Variants in IQCK observed in about 807,000 individuals in gnomAD.
The protein encoded by IQCK is IQ motif containing K, also known as IQ domain-containing protein K.
Under a neutral mutation model 28.1 loss-of-function variants are expected in IQCK, and 29 were observed. The observed-to-expected ratio is 1.03, with a 90% CI of 0.77 to 1.41. IQCK has a LOEUF of 1.41. Ranked by LOEUF, IQCK falls within the 40% of genes most tolerant of loss-of-function variation. The pLI is 0.00. For synonymous variants in IQCK, 113 were observed against 115.1 expected (o/e 0.98, Z 0.12); for missense variants, 359 against 314.7 (o/e 1.14, Z -1.07).
At chr16:19,733,647 A>G (rs1567535185) in intron 2 of IQCK, 51 bp from the exon 3 acceptor site, 2 of 1,601,842 alleles carry the variant, frequency 1.2e-6, no homozygotes, top group South Asian at 1.1e-5. Context: ...AGAAAATGCA[A>G]TTATTTAAGC....
chr16:19,832,093 G>A (rs1360360732), downstream of IQCK, among the ~76,000 whole-genome samples: 1 of 151,832 alleles, frequency 6.6e-6, no homozygotes, highest in Non-Finnish European at 1.5e-5. Context: ...CATATTTTTA[G>A]CCTCACATAG....
chr16:19,829,537 A>G (rs748142309), downstream of IQCK, among the ~76,000 whole-genome samples: 1 of 152,036 alleles, frequency 6.6e-6, no homozygotes, highest in Non-Finnish European at 1.5e-5. Flanking sequence ...GGGTTTCACC[A>G]TGTTGGCCAG....
At chr16:19,799,485 G>A (rs1378892960) in intron 7 of IQCK, among the ~76,000 whole-genome samples, 1 of 94,624 alleles carries the variant, frequency 1.1e-5, no homozygotes, top group Non-Finnish European at 1.8e-5. Context: ...TGGGCAGGCT[G>A]GTCTCGAACT....
rs117464921 is a variant in IQCK, at chr16:19,727,227, A to G, written c.182-3203A>G. Among the ~76,000 whole-genome samples, 9 of 152,254 alleles carry G rather than the reference A, an allele frequency of 5.9e-5. No homozygotes were observed. The East Asian group carries it at 1.7e-3, about 29-fold the overall frequency. On this transcript the variant is annotated intron_variant, in intron 1 of 7. Transcript: ENST00000564186. ...CTAATATGAGTTATGAAGAAAAAGG[A>G]CACAGTGTTATGTGGTTCTATGTGT...
At chr16:19,807,609 G>A (rs2055850164) in intron 7 of IQCK, among the ~76,000 whole-genome samples, 1 of 152,148 alleles carries the variant, frequency 6.6e-6, no homozygotes, top group Admixed American at 6.5e-5. Context: ...TGGTTCCCAG[G>A]AGAGTCTTTG....
chr16:19,726,723 T>C (rs1377316481), intron 1 of IQCK, among the ~76,000 whole-genome samples: 7 of 152,232 alleles, frequency 4.6e-5, no homozygotes, highest in Non-Finnish European at 1.5e-5. Flanking sequence ...TAACTTACGA[T>C]ATGGTTGGTT....
chr16:19,763,316 G>C (rs948669102), intron 4 of IQCK, among the ~76,000 whole-genome samples: 1 of 152,084 alleles, frequency 6.6e-6, no homozygotes, highest in African/African-American at 2.4e-5. Flanking sequence ...TCATCATAAA[G>C]GTCTTCCTCC....
chr16:19,844,649 C>T (rs2056395996), intron 9 of IQCK, among the ~76,000 whole-genome samples: 1 of 152,168 alleles, frequency 6.6e-6, no homozygotes, highest in Admixed American at 6.5e-5. Flanking sequence ...TTCGTGTTTT[C>T]TTTTCAGTGG....
intron 4 of IQCK, among the ~76,000 whole-genome samples, chr16:19,740,945 G>T (rs2054824495): frequency 6.7e-6 from 1 of 150,264 alleles, no homozygotes; most frequent in Non-Finnish European, 1.5e-5. Flanking sequence ...TCCAGCCTGG[G>T]CAACAGAGCG....
intron 1 of IQCK, among the ~76,000 whole-genome samples, chr16:19,727,587 C>G (rs1470702153): frequency 1.7e-5 from 1 of 58,902 alleles, no homozygotes; most frequent in East Asian, 3.4e-4. Context: ...ACTTTGTCAC[C>G]CCCCCCCCCC....
chr16:19,736,292 C>A, intron 4 of IQCK: 1 of 400,868 alleles, frequency 2.5e-6, no homozygotes, highest in Non-Finnish European at 5.0e-6. Flanking sequence ...GAGACAGGGT[C>A]TTGCTCTGTT....
At chr16:19,847,720 G>A (rs1455060065) in intron 9 of IQCK, among the ~76,000 whole-genome samples, 2 of 152,218 alleles carry the variant, frequency 1.3e-5, no homozygotes, top group Non-Finnish European at 1.5e-5. Context: ...ATCGTCACAA[G>A]CTGTGAATCC....
chr16:19,722,685 A>G (rs1180585842), intron 1 of IQCK, among the ~76,000 whole-genome samples: 2 of 149,306 alleles, frequency 1.3e-5, no homozygotes, highest in South Asian at 2.1e-4. Flanking sequence ...GAATGTTACC[A>G]TCGTTCACTC....
downstream of IQCK, among the ~76,000 whole-genome samples, chr16:19,830,277 T>G (rs913891607): frequency 6.6e-6 from 1 of 152,208 alleles, no homozygotes; most frequent in Admixed American, 6.5e-5. Flanking sequence ...AAGTGCAGCA[T>G]GCCTATTTCT....
At chr16:19,786,272 G>A (rs865964829) in intron 6 of IQCK, among the ~76,000 whole-genome samples, 49 of 152,148 alleles carry the variant, frequency 3.2e-4, no homozygotes, top group Non-Finnish European at 8.8e-5. Flanking sequence ...CAGGGAGCCC[G>A]GGCGGGGCGG....
exon 3 of IQCK, chr16:19,733,761 C>G: frequency 6.2e-7 from 1 of 1,614,152 alleles, no homozygotes; most frequent in Non-Finnish European, 8.5e-7. Context: ...TCCGGTTTCC[C>G]ATTTCACCAT....
chr16:19,811,307 C>T (rs549002606), intron 7 of IQCK, among the ~76,000 whole-genome samples: 27 of 152,316 alleles, frequency 1.8e-4, no homozygotes, highest in African/African-American at 6.3e-4. Flanking sequence ...GATATGGTCT[C>T]TAGCATAGCA....
intron 6 of IQCK, among the ~76,000 whole-genome samples, chr16:19,764,753 C>T (rs1256006742): frequency 6.8e-5 from 10 of 148,076 alleles, no homozygotes; most frequent in Non-Finnish European, 1.5e-4. Context: ...TGCAGTGACG[C>T]GATCTTGGCT....
intron 7 of IQCK, among the ~76,000 whole-genome samples, chr16:19,821,686 TC>T (rs1326041661): frequency 6.6e-6 from 1 of 151,822 alleles, no homozygotes; most frequent in African/African-American, 2.4e-5. Context: ...AGAACGAGAC[TC>T]CGTCTCAATA....
Sources: gnomAD v4.1 joint callset for allele counts (sites outside exome capture counted in the v4.1 genomes callset) on GRCh38, gnomAD v4.1.1 for gene constraint, MANE v1.5 for transcripts, NCBI Gene and HGNC (gene_info 2026-07-23, HGNC 2026-07-21) for gene names.